The following IL24 variants were observed in gnomAD, a reference collection of about 807,000 sequenced individuals.
IL24 encodes the protein interleukin-24.
IL24 carries 24 observed loss-of-function variants against 27.6 expected under a neutral mutation model. The observed-to-expected ratio is 0.87, with a 90% confidence interval of 0.63 to 1.22. The LOEUF is 1.22. IL24 is among the 50% of genes most tolerant of loss of function. The pLI is 0.00. For missense variants in IL24, 240 were observed against 237.0 expected (o/e 1.01, Z -0.08); for synonymous variants, 99 against 93.1 (o/e 1.06, Z -0.36).
Position 206,901,672 on chromosome 1 carries a change from G to T in IL24, c.462+20G>T. On this transcript the variant is annotated intron_variant, in intron 5 of 6. Transcript: ENST00000294984. ...CCCAGTGTGAGTAGCACACGCTCTG[G>T]ATACTGGCAGCTCTGGGTTCAAGTC... 6.2e-7 allele frequency: 1 copy of T among 1,603,784 alleles called. No homozygotes were observed. The highest frequency in any genetic ancestry group is 1.1e-5 in the South Asian group (1 of 90,140).
chr1:206,898,453 G>A lies in IL24; in HGVS notation c.44+577G>A, dbSNP rs560686812. 2.5e-4 allele frequency among the ~76,000 whole-genome samples: 38 copies of A among 152,096 alleles called. 1 individual carries two copies. The South Asian group carries it at 6.9e-3, about 27-fold the overall frequency. On this transcript the variant is annotated intron_variant, in intron 2 of 6. Transcript: ENST00000294984. Reference sequence around the variant, plus strand: ...GGAGAAAGTAAGAAAGGGAGGGAGCGAGAGAGGAAAGAAGGAAGAAAGAAA... The same window carrying A: ...GGAGAAAGTAAGAAAGGGAGGGAGCAAGAGAGGAAAGAAGGAAGAAAGAAA...
In IL24 at chr1:206,899,377, T is replaced by C. The variant is rs1678286972; in HGVS notation, c.102T>C (p.Pro34=). 6.2e-7 allele frequency: 1 copy of C among 1,614,224 alleles called. No individual in the cohort carries two copies. The highest frequency in any genetic ancestry group is 8.5e-7 in the Non-Finnish European group (1 of 1,180,014). The stretch of plus-strand genomic sequence containing the variant: ...CTCAAATGCAGATGGTTGTGCTCCC[T>C]TGCCTGGGTTTTACCCTGCTTCTCT... ...TASQMQMVVL[P]CLGFTLLLWS... is the part of the protein sequence containing the mutation. The change falls in exon 3 of 7, where the codon CCT becomes CCC. Residue 34 remains proline, a synonymous_variant. Transcript: ENST00000294984.
chr1:206,902,105 G>A (rs781341202), intron 6 of IL24, 33 bp downstream of exon 6: 2 of 1,613,304 alleles, frequency 1.2e-6, no homozygotes, highest in African/African-American at 2.7e-5. Context: ...TGCCCATCCA[G>A]CAGAATAGAC....
Position 206,901,670 on chromosome 1 carries a change from T to TG in IL24, c.462+20dup, listed in dbSNP as rs768979860. ...AACCCAGTGTGAGTAGCACACGCTC[T>TG]GGATACTGGCAGCTCTGGGTTCAAG... is the stretch of plus-strand genomic sequence containing the variant. On this transcript the variant is annotated intron_variant, in intron 5 of 6. Coordinates refer to ENST00000294984, the MANE Select transcript of IL24 (RefSeq NM_006850.3). 6.2e-7 allele frequency: 1 copy of TG among 1,606,872 alleles called. No homozygotes were observed. The highest frequency in any genetic ancestry group is 8.5e-7 in the Non-Finnish European group (1 of 1,174,676).
At chr1:206,899,612 C>A in intron 3 of IL24, 97 bp downstream of exon 3, 1 of 1,036,306 alleles carries the variant, frequency 9.6e-7, no homozygotes, top group Non-Finnish European at 1.4e-6. Flanking sequence ...TGGAGTCCTT[C>A]ACAGCTTGCT....
intron 3 of IL24, among the ~76,000 whole-genome samples, chr1:206,899,778 T>C (rs1321134148): frequency 6.6e-6 from 1 of 152,172 alleles, no homozygotes; most frequent in Admixed American, 6.5e-5. Flanking sequence ...GCTAGATTCA[T>C]CCAGGCTTCG....
chr1:206,900,504 G>C, intron 4 of IL24, 147 bp downstream of exon 4: 1 of 719,286 alleles, frequency 1.4e-6, no homozygotes, highest in South Asian at 1.6e-5. Context: ...GTGAGCCAGG[G>C]AAGTCAGTGT....
At chr1:206,901,857 T>C in intron 5 of IL24, 141 bp from the exon 6 acceptor site, 1 of 906,434 alleles carries the variant, frequency 1.1e-6, no homozygotes, top group Non-Finnish European at 1.7e-6. Context: ...AGTTTGGTAT[T>C]GGTTACCTTG....
At chr1:206,901,370 T>A in intron 4 of IL24, 124 bp from the exon 5 acceptor site, 1 of 1,111,088 alleles carries the variant, frequency 9.0e-7, no homozygotes, top group East Asian at 2.7e-5. Context: ...AGGTTCATCA[T>A]CACCTTCTAG....
chr1:206,897,871 A>G lies in IL24; in HGVS notation c.39A>G (p.Leu13=), dbSNP rs766176725. ...AGAGGCTGCAAAGCCTGTGGACTTT[A>G]GCCAGGTGCGGTGGCTCACACCTGT... ...FQQRLQSLWT[L]ARPFCPPLLA... The change falls in exon 2 of 7, where the codon TTA becomes TTG. Residue 13 remains leucine, a synonymous_variant. Coordinates refer to ENST00000294984, the MANE Select transcript of IL24 (RefSeq NM_006850.3). 6.2e-7 allele frequency: 1 copy of G among 1,602,072 alleles called. No homozygotes were observed. Among genetic ancestry groups the G allele is most frequent in the Non-Finnish European group, 8.5e-7 (1 of 1,174,962 alleles).
Position 206,897,716 on chromosome 1 carries a change from TGA to T in IL24, c.-102-13_-102-12del. On this transcript the variant is annotated splice_polypyrimidine_tract_variant and intron_variant, in intron 1 of 6. Transcript: ENST00000294984. The stretch of plus-strand genomic sequence containing the variant: ...TGGGGACAGCAGAAGTCAATTTTTT[TGA>T]GTGTTGATGTAGGGACAAGACATGA... 9.8e-7 allele frequency: 1 copy of T among 1,021,442 alleles called. No homozygotes were observed. Among genetic ancestry groups the T allele is most frequent in the Non-Finnish European group, 1.5e-6 (1 of 675,810 alleles). The allele number at this position is 1,021,442 out of a possible 1,614,324, so 63.3% of individuals were successfully genotyped here. A position where few individuals can be genotyped will look rare whatever the true frequency, so the allele number is the denominator to read the frequency against.
At chr1:206,899,085 T>C (rs1572603926) in intron 2 of IL24, among the ~76,000 whole-genome samples, 1 of 151,724 alleles carries the variant, frequency 6.6e-6, no homozygotes, top group Admixed American at 6.6e-5. Context: ...ACGGGCAAGG[T>C]GGGGAAGAGC....
At chr1:206,899,287 G>C (rs1196625018) in intron 2 of IL24, 33 bp from the exon 3 acceptor site, 1 of 1,604,976 alleles carries the variant, frequency 6.2e-7, no homozygotes, top group Non-Finnish European at 8.5e-7. Flanking sequence ...TCAGAGGGCC[G>C]GCCTCACAGG....
intron 4 of IL24, among the ~76,000 whole-genome samples, chr1:206,900,926 A>C (rs1395305718): frequency 6.6e-6 from 1 of 152,174 alleles, no homozygotes; most frequent in East Asian, 1.9e-4. Flanking sequence ...AATCAGGTAG[A>C]GTATGTTATC....
intron 2 of IL24, among the ~76,000 whole-genome samples, chr1:206,898,250 G>T (rs1150253): frequency 6.7e-6 from 1 of 150,190 alleles, no homozygotes; most frequent in African/African-American, 2.5e-5. Context: ...CATAGCCCCC[G>T]TCCCCCGTGA....
chr1:206,898,231 A>C (rs1232600607), intron 2 of IL24, among the ~76,000 whole-genome samples: 1 of 150,572 alleles, frequency 6.6e-6, no homozygotes, highest in African/African-American at 2.5e-5. Flanking sequence ...ATTGAGGGAG[A>C]TGCTAAAGCA....
At chr1:206,897,932 C>G in intron 2 of IL24, 56 bp downstream of exon 2, 2 of 1,164,736 alleles carry the variant, frequency 1.7e-6, no homozygotes, top group Non-Finnish European at 2.5e-6. Context: ...GTGGGCAGAT[C>G]ATTTAAGGTC....
intron 3 of IL24, among the ~76,000 whole-genome samples, chr1:206,899,799 A>G (rs3093424): frequency 4.6e-5 from 7 of 152,144 alleles, no homozygotes; most frequent in African/African-American, 1.4e-4. Flanking sequence ...TCCCGAATAG[A>G]GTCTTCGGCT....
chr1:206,901,246 C>T (rs79813586), intron 4 of IL24, among the ~76,000 whole-genome samples: 19 of 152,318 alleles, frequency 1.2e-4, no homozygotes, highest in African/African-American at 4.1e-4. Context: ...TAGGCTGTGT[C>T]TGCCACTGAT....
Sources: gnomAD v4.1 joint callset for allele counts (sites outside exome capture counted in the v4.1 genomes callset) on GRCh38, gnomAD v4.1.1 for gene constraint, MANE v1.5 for transcripts, NCBI Gene and HGNC (gene_info 2026-07-23, HGNC 2026-07-21) for gene names.